Variants in CUX2 observed in about 807,000 individuals in gnomAD.
CUX2 encodes homeobox protein cut-like 2.
A neutral mutation model predicts 144.8 loss-of-function variants in CUX2; 40 were observed. That is an observed-to-expected ratio of 0.28 (90% CI 0.21 to 0.36). CUX2 has a LOEUF of 0.36. Among genes scored for constraint, CUX2 ranks in the 10% least tolerant of loss-of-function variants. The probability of loss-of-function intolerance (pLI) is 1.00; values close to 1 mark genes in which losing one functional copy is unlikely to be tolerated. For synonymous variants in CUX2, 827 were observed against 875.6 expected, an observed-to-expected ratio of 0.94 and a Z score of 0.98; for missense variants, 1,615 against 1,994.0, an observed-to-expected ratio of 0.81 and a Z score of 3.62.
intron 1 of CUX2, among the ~76,000 whole-genome samples, chr12:111,049,707 A>G (rs572675210): frequency 2.6e-5 from 4 of 152,322 alleles, no homozygotes; most frequent in African/African-American, 9.6e-5. Context: ...CCTGCCTTCA[A>G]GGAGACACCA....
intron 1 of CUX2, among the ~76,000 whole-genome samples, chr12:111,074,408 G>A (rs113410400): frequency 0.015 from 2,214 of 152,146 alleles, 89 homozygotes; most frequent in African/African-American, 0.051. Context: ...AGGGCCACCC[G>A]CCTATTTCGC....
Position 111,320,101 on chromosome 12 carries a change from G to A in CUX2, c.2092G>A (p.Glu698Lys), listed in dbSNP as rs1236747108. 6.4e-7 allele frequency: 1 copy of A among 1,558,662 alleles called. No homozygotes were observed. Among genetic ancestry groups the A allele is most frequent in the Non-Finnish European group, 8.7e-7 (1 of 1,155,494 alleles). Residue 698 changes from glutamate to lysine, a missense_variant, in exon 17 of 22, where the codon GAG becomes AAG. Physicochemically the swap from Glu to Lys is moderately conservative, Grantham distance 56. Transcript: ENST00000261726. The surrounding 1 kb of genome is among the most constrained non-coding windows in gnomAD (Gnocchi z 8.1). ...TSEDAIKSIL[E>K]QARREMQAQQ... is the part of the protein sequence containing the mutation. The stretch of plus-strand genomic sequence containing the variant: ...GGAGGACGCCATCAAGAGCATCCTG[G>A]AGCAGGCACGCCGTGAGATGCAGGC...
chr12:111,264,463 A>G (rs1884281924), intron 4 of CUX2, among the ~76,000 whole-genome samples: 1 of 152,180 alleles, frequency 6.6e-6, no homozygotes, highest in South Asian at 2.1e-4. Flanking sequence ...GGCCGGGTAC[A>G]GGGGATCACG....
rs1886648831 is a variant in CUX2 at position 111,307,529 on chromosome 12, G to A, written c.1109+272G>A. On this transcript the variant is annotated intron_variant, in intron 12 of 21. Transcript: ENST00000261726. This position sits in a 1 kb window ranked among gnomAD's most constrained non-coding sequence, Gnocchi z 4.1. The stretch of plus-strand genomic sequence containing the variant: ...CAATGGGGAGACCCCATCTCTGTGA[G>A]AAAAAAACAATTTTAATTAGCCAGG... Among the ~76,000 whole-genome samples, 1 of 151,908 alleles carries A rather than the reference G, an allele frequency of 6.6e-6. No individual in the cohort carries two copies. The highest frequency in any genetic ancestry group is 6.6e-5 in the Admixed American group (1 of 15,240).
At position 111,307,277 on chromosome 12, in the gene CUX2, T is replaced by C; in HGVS notation, c.1109+20T>C. On this transcript the variant is annotated intron_variant, in intron 12 of 21. Coordinates refer to ENST00000261726, the MANE Select transcript of CUX2 (RefSeq NM_015267.4). This position sits in a 1 kb window ranked among gnomAD's most constrained non-coding sequence, Gnocchi z 4.1. ...GCTGAGGTACCATGTGGGGTGGGGC[T>C]CCACAGACCCTCAGTGCTCTTCCCT... 6.2e-7 allele frequency: 1 copy of C among 1,609,332 alleles called. No individual in the cohort carries two copies.
intron 16 of CUX2, among the ~76,000 whole-genome samples, chr12:111,313,282 G>GC (rs1178989067): frequency 1.3e-5 from 2 of 150,356 alleles, no homozygotes; most frequent in Admixed American, 1.3e-4. Flanking sequence ...TGTTGGTCAG[G>GC]CTGCTCTTGA....
At chr12:111,134,614 C>CTGTGTGTGTGTGTGTGTGTGTGTGTGTG (rs1159711656) in intron 1 of CUX2, among the ~76,000 whole-genome samples, 3 of 144,166 alleles carry the variant, frequency 2.1e-5, no homozygotes, top group African/African-American at 8.8e-5. Context: ...CTCTCTCTCT[C>CTGTGTGTGTGTGTGTGTGTGTGTGTGTG]TCTCTCTGTG....
At chr12:111,188,382 G>A (rs1047334043) in intron 1 of CUX2, among the ~76,000 whole-genome samples, 1 of 152,198 alleles carries the variant, frequency 6.6e-6, no homozygotes, top group Non-Finnish European at 1.5e-5. Context: ...ATCAGCATTG[G>A]GCAGGAGAGA....
chr12:111,155,932 A>G (rs567603560), intron 1 of CUX2, among the ~76,000 whole-genome samples: 2 of 150,904 alleles, frequency 1.3e-5, no homozygotes, highest in Non-Finnish European at 2.9e-5. Flanking sequence ...ATAAAAAAAA[A>G]AAATAAAAAT....
chr12:111,337,534 T>C (rs1470827330), intron 19 of CUX2, among the ~76,000 whole-genome samples: 1 of 152,190 alleles, frequency 6.6e-6, no homozygotes, highest in African/African-American at 2.4e-5. Context: ...TCCTGCTGCC[T>C]CTAAAAATAA....
chr12:111,147,687 CT>C (rs1876779397), intron 1 of CUX2, among the ~76,000 whole-genome samples: 1 of 152,208 alleles, frequency 6.6e-6, no homozygotes, highest in South Asian at 2.1e-4. Context: ...CTGCTCAGAG[CT>C]GGGCACCTGC....
chr12:111,142,548 CAG>C (rs1386703658), intron 1 of CUX2, among the ~76,000 whole-genome samples: 2 of 138,854 alleles, frequency 1.4e-5, no homozygotes, highest in African/African-American at 5.5e-5. Flanking sequence ...AAAAAAAAAA[CAG>C]AAATGGGCTT....
At chr12:111,162,195 T>G (rs1393036428) in intron 1 of CUX2, among the ~76,000 whole-genome samples, 1 of 152,244 alleles carries the variant, frequency 6.6e-6, no homozygotes, top group Non-Finnish European at 1.5e-5. Context: ...GAACTCTCTC[T>G]CAGAGGTGAG....
At chr12:111,184,248 G>A (rs900238146) in intron 1 of CUX2, among the ~76,000 whole-genome samples, 1 of 152,088 alleles carries the variant, frequency 6.6e-6, no homozygotes, top group African/African-American at 2.4e-5. Context: ...GTGTGTTGGT[G>A]TGGCATTAAT....
chr12:111,338,108 A>AC (rs755934649), intron 19 of CUX2, among the ~76,000 whole-genome samples, 178 bp from the exon 20 acceptor site: 42 of 150,766 alleles, frequency 2.8e-4, no homozygotes, highest in African/African-American at 7.8e-4. Flanking sequence ...TTACAGACAG[A>AC]CCCCCCTCGG....
chr12:111,275,667 T>TC (rs1358948265), intron 4 of CUX2, among the ~76,000 whole-genome samples: 2 of 152,148 alleles, frequency 1.3e-5, no homozygotes, highest in Non-Finnish European at 2.9e-5. Context: ...ACCTAGTATT[T>TC]CCCCAAGTGC....
chr12:111,325,379 T>C (rs1887726797), intron 18 of CUX2, among the ~76,000 whole-genome samples: 1 of 152,120 alleles, frequency 6.6e-6, no homozygotes, highest in Admixed American at 6.5e-5. Context: ...AAGTGCTTTG[T>C]CCTGTAATCT....
intron 1 of CUX2, among the ~76,000 whole-genome samples, chr12:111,054,094 C>T (rs577723231): frequency 1.3e-5 from 2 of 152,320 alleles, no homozygotes; most frequent in East Asian, 1.9e-4. Flanking sequence ...GTGGAGGCTG[C>T]AATGAACCGA....
In CUX2 at chr12:111,312,632, G is replaced by A. The variant is rs1372820964; in HGVS notation, c.2002+431G>A. Among the ~76,000 whole-genome samples, 6 of 151,056 alleles carry A rather than the reference G, an allele frequency of 4.0e-5. No homozygotes were observed. The highest frequency in any genetic ancestry group is 6.6e-5 in the Admixed American group (1 of 15,206). ...GGAGAATTGCTTGAACCCGGGAGGCGGAGGTTGCAGTGAGCCGAGATCACA... is the reference window on the plus strand; with the variant it reads ...GGAGAATTGCTTGAACCCGGGAGGCAGAGGTTGCAGTGAGCCGAGATCACA... On this transcript the variant is annotated intron_variant, in intron 16 of 21. Transcript: ENST00000261726. This position sits in a 1 kb window ranked among gnomAD's most constrained non-coding sequence, Gnocchi z 4.3.
Sources: gnomAD v4.1 joint callset for allele counts (sites outside exome capture counted in the v4.1 genomes callset) on GRCh38, gnomAD v4.1.1 for gene constraint, Gnocchi (gnomAD v3.1) non-coding constraint, MANE v1.5 for transcripts, NCBI Gene and HGNC (gene_info 2026-07-23, HGNC 2026-07-21) for gene names.